Variants in TTC39B observed in about 807,000 individuals in gnomAD.
TTC39B encodes tetratricopeptide repeat domain 39B, also known as tetratricopeptide repeat protein 39B.
In TTC39B, 92 loss-of-function variants were observed where a neutral mutation model predicts 96.6. That is an observed-to-expected ratio of 0.95 (90% CI 0.80 to 1.13). The LOEUF (loss-of-function observed/expected upper bound fraction) is 1.13. Among genes scored for constraint, TTC39B ranks in the 50% most tolerant of loss-of-function variants. The pLI, the probability that TTC39B is intolerant of heterozygous loss-of-function variation, is 0.00. For missense variants in TTC39B, 955 were observed against 809.3 expected, an observed-to-expected ratio of 1.18 and a Z score of -2.18; for synonymous variants, 367 against 299.4, an observed-to-expected ratio of 1.23 and a Z score of -2.33.
At chr9:15,305,340 T>C (rs1253568014) in intron 1 of TTC39B, among the ~76,000 whole-genome samples, 1 of 152,232 alleles carries the variant, frequency 6.6e-6, no homozygotes. Context: ...CCAAAGTAAA[T>C]GCTCAATAAA....
At chr9:15,277,663 G>A (rs1355280506) in intron 1 of TTC39B, among the ~76,000 whole-genome samples, 1 of 152,184 alleles carries the variant, frequency 6.6e-6, no homozygotes, top group Non-Finnish European at 1.5e-5. Flanking sequence ...CATGAGTAAA[G>A]CAGAGAGGCT....
intron 16 of TTC39B, 61 bp downstream of exon 16, chr9:15,185,219 C>T: frequency 6.5e-7 from 1 of 1,529,996 alleles, no homozygotes; most frequent in East Asian, 2.3e-5. Context: ...TAGATATGCT[C>T]CCTGCTGCTG....
chr9:15,291,531 C>T (rs1021126837), intron 1 of TTC39B, among the ~76,000 whole-genome samples: 2 of 151,948 alleles, frequency 1.3e-5, no homozygotes, highest in East Asian at 1.9e-4. Context: ...AGCATGAGAA[C>T]GGATTAATAC....
At chr9:15,198,354 G>A (rs918298104) in intron 8 of TTC39B, among the ~76,000 whole-genome samples, 4 of 151,862 alleles carry the variant, frequency 2.6e-5, no homozygotes, top group African/African-American at 9.7e-5. Context: ...CTGCTCGGGA[G>A]GCTGAGTCAG....
At chr9:15,186,317 T>TC (rs1818522537) in intron 15 of TTC39B, among the ~76,000 whole-genome samples, 1 of 152,068 alleles carries the variant, frequency 6.6e-6, no homozygotes, top group South Asian at 2.1e-4. Context: ...GAGGTGGGGG[T>TC]CAGAGGAAGG....
chr9:15,295,705 T>C (rs1009354223), intron 1 of TTC39B, among the ~76,000 whole-genome samples: 1 of 152,226 alleles, frequency 6.6e-6, no homozygotes, highest in Admixed American at 6.5e-5. Context: ...TTATAAAATA[T>C]AATCTGACTT....
rs113432612 is a variant in TTC39B at position 15,200,736 on chromosome 9, C to T, written c.760-811G>A. Among the ~76,000 whole-genome samples the T allele has an allele frequency of 7.1e-3, 1,075 of 152,318 alleles. 23 individuals carry two copies. The highest frequency in any genetic ancestry group is 0.024 in the African/African-American group (1,004 of 41,550). ...GATGCTCTGGCTGGGCGTGGTGGCT[C>T]ACGCCTATAATCCCAGCACTTTGGG... On this transcript the variant is annotated intron_variant, in intron 7 of 19. Transcript: ENST00000512701.
rs80045228 is a variant in TTC39B at position 15,259,027 on chromosome 9, C to A, written c.275+8887G>T. On this transcript the variant is annotated intron_variant, in intron 2 of 19. Transcript: ENST00000512701. ...GACCATTAGAGTAGATCTAACAGGA[C>A]AAAAGAAAATACAAAGAGAAGCAAG... Among the ~76,000 whole-genome samples, 4 of 151,988 alleles carry A rather than the reference C, an allele frequency of 2.6e-5. No individual in the cohort carries two copies. In the East Asian group the frequency reaches 7.7e-4, roughly 29 times the overall value.
intron 10 of TTC39B, 108 bp from the exon 11 acceptor site, chr9:15,190,770 T>C: frequency 3.4e-6 from 3 of 878,914 alleles, no homozygotes; most frequent in Non-Finnish European, 5.4e-6. Flanking sequence ...ACAGATTTCA[T>C]ATATTACGCT....
chr9:15,192,620 A>T, exon 9 of TTC39B: 1 of 1,614,006 alleles, frequency 6.2e-7, no homozygotes, highest in Non-Finnish European at 8.5e-7. Flanking sequence ...CAAGCTTGAC[A>T]CCCCCTTCAA....
chr9:15,294,484 C>G (rs1046507497), intron 1 of TTC39B, among the ~76,000 whole-genome samples: 1 of 152,192 alleles, frequency 6.6e-6, no homozygotes, highest in African/African-American at 2.4e-5. Context: ...TGTCAGCGAC[C>G]AAATGCTGTT....
Position 15,189,796 on chromosome 9 carries a change from G to C in TTC39B, c.1106-4C>G, listed in dbSNP as rs1237668940. ...GCAACATTCACTTCTCCTGTACCTA[G>C]AAATTTAACAGGAAAAGACTCAGTC... is the stretch of plus-strand genomic sequence containing the variant. On this transcript the variant is annotated splice_region_variant and splice_polypyrimidine_tract_variant and intron_variant, in intron 11 of 19. Coordinates refer to ENST00000512701, the Ensembl canonical transcript of TTC39B. 6 of 1,600,248 alleles carry C rather than the reference G, an allele frequency of 3.7e-6. No individual in the cohort carries two copies. The highest frequency in any genetic ancestry group is 1.1e-5 in the South Asian group (1 of 89,448).
chr9:15,218,696 A>G (rs1337744422), intron 3 of TTC39B, among the ~76,000 whole-genome samples: 2 of 151,790 alleles, frequency 1.3e-5, no homozygotes, highest in Non-Finnish European at 2.9e-5. Flanking sequence ...TATCATTATC[A>G]CTTACATTCC....
chr9:15,297,161 C>T (rs1454555058), intron 1 of TTC39B, among the ~76,000 whole-genome samples: 2 of 152,192 alleles, frequency 1.3e-5, no homozygotes, highest in Non-Finnish European at 2.9e-5. Flanking sequence ...TACTTCACCA[C>T]GCCTGAGGAG....
chr9:15,171,186 G>C (rs1001740411), exon 20 of TTC39B: 1 of 152,110 alleles, frequency 6.6e-6, no homozygotes, highest in African/African-American at 2.4e-5. Context: ...AACATCTTAA[G>C]TGTAAAAATT....
intron 2 of TTC39B, among the ~76,000 whole-genome samples, chr9:15,236,736 T>C (rs950032425): frequency 6.6e-6 from 1 of 151,890 alleles, no homozygotes; most frequent in Non-Finnish European, 1.5e-5. Flanking sequence ...GGGTAAACAA[T>C]GAAATTAAGG....
chr9:15,234,313 G>GT (rs1220994700), intron 2 of TTC39B, among the ~76,000 whole-genome samples: 1 of 150,138 alleles, frequency 6.7e-6, no homozygotes, highest in Non-Finnish European at 1.5e-5. Flanking sequence ...GAAGTCGGGG[G>GT]GTCAGCCCCC....
rs377603442 is a variant in TTC39B at position 15,279,655 on chromosome 9, G to A, written c.241-11707C>T. On this transcript the variant is annotated intron_variant, in intron 1 of 19. Coordinates refer to ENST00000512701, the Ensembl canonical transcript of TTC39B. ...ATTATCACTATTATTGTTGTGCCTT[G>A]AATCTCCTAAAGGTACTCGTGAGTG... is the stretch of plus-strand genomic sequence containing the variant. Among the ~76,000 whole-genome samples, 77 of 152,240 alleles carry A rather than the reference G, an allele frequency of 5.1e-4. 1 individual carries two copies. The South Asian group carries it at 0.016, about 31-fold the overall frequency.
At chr9:15,190,913 C>T (rs530401243) in intron 10 of TTC39B, among the ~76,000 whole-genome samples, 2 of 151,802 alleles carry the variant, frequency 1.3e-5, no homozygotes, top group African/African-American at 4.8e-5. Context: ...TAGGAAACCA[C>T]GTGAGAGTAA....
Sources: gnomAD v4.1 joint callset for allele counts (sites outside exome capture counted in the v4.1 genomes callset) on GRCh38, gnomAD v4.1.1 for gene constraint, MANE v1.5 for transcripts, NCBI Gene and HGNC (gene_info 2026-07-23, HGNC 2026-07-21) for gene names.